Variants in ACACA observed in about 807,000 individuals in gnomAD.
ACACA encodes acetyl-CoA carboxylase 1.
ACACA carries 103 observed loss-of-function variants against 296.1 expected under a neutral mutation model. The ratio of observed to expected loss-of-function variants is 0.35; its 90% CI spans 0.30 to 0.41. The LOEUF (loss-of-function observed/expected upper bound fraction) is 0.41. Among genes scored for constraint, ACACA ranks in the 10% least tolerant of loss-of-function variants. ACACA has a pLI of 1.00. For missense variants in ACACA, 1,554 were observed against 2,989.7 expected (o/e 0.52, Z 11.20); for synonymous variants, 953 against 1,038.6 (o/e 0.92, Z 1.58).
At chr17:37,205,441 C>T (rs2078453861) in intron 33 of ACACA, among the ~76,000 whole-genome samples, 1 of 152,082 alleles carries the variant, frequency 6.6e-6, no homozygotes, top group Non-Finnish European at 1.5e-5. Flanking sequence ...GGAGTTTAGG[C>T]TTAGACATGT....
intron 54 of ACACA, among the ~76,000 whole-genome samples, chr17:37,090,662 G>A (rs1024499932): frequency 2.0e-5 from 3 of 152,136 alleles, no homozygotes; most frequent in Non-Finnish European, 2.9e-5. Context: ...CCCTATCCAC[G>A]AGGGAGAAGG....
At chr17:37,342,436 AATATATAT>A (rs1295176626) in intron 1 of ACACA, among the ~76,000 whole-genome samples, 2 of 58,216 alleles carry the variant, frequency 3.4e-5, no homozygotes, top group Admixed American at 3.6e-4. Flanking sequence ...AAAAAAAAAA[AATATATAT>A]ATATATATAT....
rs201499562 is a variant in ACACA, at chr17:37,111,537, G to T, written c.6559C>A (p.Arg2187=). 5 of 1,612,720 alleles carry T rather than the reference G, an allele frequency of 3.1e-6. No homozygotes were observed. The East Asian group carries it at 1.1e-4, about 36-fold the overall frequency. The change falls in exon 52 of 56, where the codon CGA becomes AGA. Residue 2187 remains arginine (R), a synonymous_variant. Transcript: ENST00000616317. ...GAAGGACAAGCAGACATACCCAATC[G>T]CTCAGCCAAGTGGATGTAGACTGGG... The part of the protein sequence containing the change: ...VDPVYIHLAE[R]LGTPELSTAE...
chr17:37,196,438 A>AT (rs2078000680), intron 35 of ACACA, among the ~76,000 whole-genome samples: 1 of 152,132 alleles, frequency 6.6e-6, no homozygotes, highest in South Asian at 2.1e-4. Flanking sequence ...AGATATGTAG[A>AT]CCTTTTTTTT....
rs397687787 is a variant in ACACA, at chr17:37,157,531, C to CTTTTT, written c.5350-1756_5350-1752dup. Among the ~76,000 whole-genome samples the CTTTTT allele has an allele frequency of 5.8e-3, 521 of 90,468 alleles. 2 individuals carry two copies. The highest frequency in any genetic ancestry group is 9.5e-3 in the African/African-American group (208 of 21,884). The allele number at this position is 90,468 out of a possible 152,430, so 59.4% of individuals were successfully genotyped here. On this transcript the variant is annotated intron_variant, in intron 42 of 55. Coordinates refer to ENST00000616317, the MANE Select transcript of ACACA (RefSeq NM_198834.3). ...TTATATTTTAACTAGATCATTCTAT[C>CTTTTT]TTTTTTTTTTTTTTTTTTTTTTTGA...
At chr17:37,124,174 A>C (rs1036902897) in intron 48 of ACACA, among the ~76,000 whole-genome samples, 3 of 152,366 alleles carry the variant, frequency 2.0e-5, no homozygotes, top group African/African-American at 7.2e-5. Flanking sequence ...TTTTGAAAGA[A>C]GCTAGAGCTC....
intron 50 of ACACA, among the ~76,000 whole-genome samples, chr17:37,119,525 C>A (rs2074415494): frequency 6.6e-6 from 1 of 150,996 alleles, no homozygotes; most frequent in African/African-American, 2.4e-5. Context: ...CAAGTCTCCC[C>A]CAAGAAAAGT....
chr17:37,348,367 A>T (rs2048729053), intron 1 of ACACA, among the ~76,000 whole-genome samples: 1 of 152,128 alleles, frequency 6.6e-6, no homozygotes, highest in Non-Finnish European at 1.5e-5. Flanking sequence ...ATAAAAAGAG[A>T]CACCAAGGCA....
intron 42 of ACACA, among the ~76,000 whole-genome samples, chr17:37,158,357 G>A (rs1402197075): frequency 6.6e-6 from 1 of 152,078 alleles, no homozygotes; most frequent in East Asian, 1.9e-4. Context: ...GGCTGGGTGC[G>A]GTGGTTCACA....
At chr17:37,118,491 A>T (rs2074364516) in intron 50 of ACACA, among the ~76,000 whole-genome samples, 1 of 152,212 alleles carries the variant, frequency 6.6e-6, no homozygotes, top group South Asian at 2.1e-4. Flanking sequence ...AACCAAGGAC[A>T]TCCCCAAAGT....
At chr17:37,109,619 A>G (rs1275629250) in intron 52 of ACACA, among the ~76,000 whole-genome samples, 1 of 152,230 alleles carries the variant, frequency 6.6e-6, no homozygotes, top group Admixed American at 6.5e-5. Flanking sequence ...GGAAATTGAT[A>G]ATGAGATGAT....
intron 41 of ACACA, among the ~76,000 whole-genome samples, chr17:37,162,391 T>C (rs1370108992): frequency 6.6e-6 from 1 of 152,196 alleles, no homozygotes; most frequent in Admixed American, 6.5e-5. Context: ...TTTACTGCCA[T>C]ATATACTAAG....
intron 3 of ACACA, among the ~76,000 whole-genome samples, chr17:37,294,710 C>T (rs1047603435): frequency 6.6e-6 from 1 of 152,160 alleles, no homozygotes; most frequent in Non-Finnish European, 1.5e-5. Flanking sequence ...ATTGCAACTG[C>T]GAGAGAAAAT....
intron 55 of ACACA, 42 bp from the exon 56 acceptor site, chr17:37,087,481 A>G: frequency 2.2e-5 from 35 of 1,613,430 alleles, no homozygotes; most frequent in Non-Finnish European, 3.0e-5. Flanking sequence ...AGAGAAGCAG[A>G]AGTGTCTAGA....
rs533456310 is a variant in ACACA at position 37,252,164 on chromosome 17, T to C, written c.1978-56A>G. 40 of 1,412,378 alleles carry C rather than the reference T, an allele frequency of 2.8e-5. No individual in the cohort carries two copies. The South Asian group carries it at 4.0e-4, about 14-fold the overall frequency. The allele number at this position is 1,412,378 out of a possible 1,614,324, so 87.5% of individuals were successfully genotyped here. Reference sequence around the variant, plus strand: ...TGCATGGTCACTTGGCACCACAGCCTCTCAAATGAAATCAGGCTCAAATTT... The same window carrying C: ...TGCATGGTCACTTGGCACCACAGCCCCTCAAATGAAATCAGGCTCAAATTT... On this transcript the variant is annotated intron_variant, in intron 15 of 55. Transcript: ENST00000616317.
intron 17 of ACACA, 121 bp from the exon 18 acceptor site, chr17:37,248,277 G>T: frequency 8.1e-7 from 1 of 1,239,750 alleles, no homozygotes; most frequent in Non-Finnish European, 1.2e-6. Flanking sequence ...TCATGGCACT[G>T]ATGCTATTTG....
At chr17:37,315,302 C>T (rs1224791290) in intron 3 of ACACA, among the ~76,000 whole-genome samples, 1 of 152,164 alleles carries the variant, frequency 6.6e-6, no homozygotes, top group Non-Finnish European at 1.5e-5. Context: ...TTAAGGAGAA[C>T]CTAAACATTG....
At chr17:37,184,002 G>A (rs1174893247) in intron 39 of ACACA, among the ~76,000 whole-genome samples, 6 of 151,654 alleles carry the variant, frequency 4.0e-5, no homozygotes, top group African/African-American at 7.3e-5. Flanking sequence ...ACAGGCATGC[G>A]CCACCACGCC....
Position 37,116,096 on chromosome 17 carries a change from G to A in ACACA, c.6275-2831C>T, listed in dbSNP as rs144163908. 9.6e-3 allele frequency among the ~76,000 whole-genome samples: 1,464 copies of A among 152,054 alleles called. 35 individuals are homozygous for A. The highest frequency in any genetic ancestry group is 0.034 in the African/African-American group (1,392 of 41,468). On this transcript the variant is annotated intron_variant, in intron 50 of 55. Coordinates refer to ENST00000616317, the MANE Select transcript of ACACA (RefSeq NM_198834.3). ...CAACCTCTGCCTCCTGGGTTCAGAC[G>A]ATCCTCCTCCATCAACACCCCAAGT...
Sources: allele counts gnomAD v4.1 joint callset (sites outside exome capture counted in the v4.1 genomes callset), GRCh38; gene constraint gnomAD v4.1.1; transcripts MANE v1.5; gene names NCBI Gene and HGNC (gene_info 2026-07-23, HGNC 2026-07-21).